SLC44A5: variants seen among roughly 807,000 people sequenced by gnomAD.
SLC44A5 encodes the protein solute carrier family 44 member 5.
A neutral mutation model predicts 101.8 loss-of-function variants in SLC44A5; 57 were observed. That is an observed-to-expected ratio of 0.56 (90% CI 0.45 to 0.70). SLC44A5 has a LOEUF of 0.70. Ranked by LOEUF, SLC44A5 falls within the 30% of genes least tolerant of loss-of-function variation. The pLI is 0.00. For missense variants in SLC44A5, 737 were observed against 853.1 expected, an observed-to-expected ratio of 0.86 and a Z score of 1.70; for synonymous variants, 281 against 290.9, an observed-to-expected ratio of 0.97 and a Z score of 0.35.
chr1:75,719,097 A>G, the SLC44A5 span, among the ~76,000 whole-genome samples: 1 of 152,200 alleles, frequency 6.6e-6, no homozygotes, highest in Non-Finnish European at 1.5e-5. Flanking sequence ...CAGAGAGCCA[A>G]TAAAAAGCCC....
chr1:75,416,017 T>C (rs1663619597), intron 2 of SLC44A5, among the ~76,000 whole-genome samples: 1 of 152,192 alleles, frequency 6.6e-6, no homozygotes, highest in Admixed American at 6.5e-5. Context: ...AACATTCCAT[T>C]TTCTGAGTAG....
At chr1:75,389,795 A>T (rs1350176199) in intron 3 of SLC44A5, among the ~76,000 whole-genome samples, 1 of 152,156 alleles carries the variant, frequency 6.6e-6, no homozygotes, top group East Asian at 1.9e-4. Context: ...CTGGCAGAAG[A>T]AAATAAATTA....
At chr1:75,655,741 C>A in the SLC44A5 span, among the ~76,000 whole-genome samples, 1 of 152,134 alleles carries the variant, frequency 6.6e-6, no homozygotes, top group Non-Finnish European at 1.5e-5. Flanking sequence ...CAGCATTGGG[C>A]AGAATCCCAA....
chr1:75,678,947 G>A, the SLC44A5 span, among the ~76,000 whole-genome samples: 26 of 152,276 alleles, frequency 1.7e-4, no homozygotes, highest in African/African-American at 2.6e-4. Context: ...ACGAAGGCTC[G>A]AGAACTACGT....
rs1473757162 is a variant in SLC44A5 at position 75,504,354 on chromosome 1, CAT to C, written c.13+37079_13+37080del. ...TAAAGGGATTCTGGGGGACCAATAA[CAT>C]ATATTTCTTAATGTTTGTGGTAGTT... On this transcript the variant is annotated intron_variant, in intron 2 of 23. Coordinates refer to ENST00000370859, the MANE Select transcript of SLC44A5 (RefSeq NM_001130058.2). Among the ~76,000 whole-genome samples the C allele has an allele frequency of 2.0e-5, 3 of 152,150 alleles. No individual in the cohort carries two copies. In the East Asian group the frequency reaches 5.8e-4, roughly 29 times the overall value.
intron 2 of SLC44A5, among the ~76,000 whole-genome samples, chr1:75,475,765 G>A (rs1464891185): frequency 6.6e-6 from 1 of 152,180 alleles, no homozygotes; most frequent in African/African-American, 2.4e-5. Flanking sequence ...TAAGAGTGAG[G>A]GCTAAAGAGA....
chr1:75,217,382 A>C (rs2100486357), intron 18 of SLC44A5, among the ~76,000 whole-genome samples: 1 of 152,166 alleles, frequency 6.6e-6, no homozygotes, highest in African/African-American at 2.4e-5. Context: ...TTCCTTTTCA[A>C]GTCTTTTTCC....
intron 2 of SLC44A5, among the ~76,000 whole-genome samples, chr1:75,510,612 T>G (rs549507706): frequency 6.6e-6 from 1 of 152,280 alleles, no homozygotes; most frequent in East Asian, 1.9e-4. Flanking sequence ...TGAACATCAC[T>G]ATGGAGCTAC....
the SLC44A5 span, among the ~76,000 whole-genome samples, chr1:75,656,098 G>C: frequency 1.3e-5 from 2 of 152,112 alleles, no homozygotes; most frequent in Admixed American, 1.3e-4. Context: ...AGAGAAAGTG[G>C]AATGACATCT....
the SLC44A5 span, among the ~76,000 whole-genome samples, chr1:75,713,216 G>C: frequency 6.6e-6 from 1 of 152,058 alleles, no homozygotes; most frequent in Non-Finnish European, 1.5e-5. Flanking sequence ...AGTGTATATT[G>C]ATATAATAAT....
chr1:75,622,992 GTCTTC>G, the SLC44A5 span, among the ~76,000 whole-genome samples: 1 of 151,660 alleles, frequency 6.6e-6, no homozygotes, highest in South Asian at 2.1e-4. Context: ...ATTTTTCCTT[GTCTTC>G]TCTTTTCTAC....
At chr1:75,544,536 C>T (rs752356204) in intron 1 of SLC44A5, among the ~76,000 whole-genome samples, 2 of 152,090 alleles carry the variant, frequency 1.3e-5, no homozygotes, top group Non-Finnish European at 2.9e-5. Context: ...CAACAAAATA[C>T]TTTTGCTGAA....
rs373828146 is a variant in SLC44A5 at position 75,552,514 on chromosome 1, T to C, written c.-69-10998A>G. Among the ~76,000 whole-genome samples, 5 of 152,124 alleles carry C rather than the reference T, an allele frequency of 3.3e-5. No homozygotes were observed. In the East Asian group the frequency reaches 7.7e-4, roughly 23 times the overall value. On this transcript the variant is annotated intron_variant, in intron 1 of 23. Coordinates refer to ENST00000370859, the MANE Select transcript of SLC44A5 (RefSeq NM_001130058.2). Reference sequence around the variant, plus strand: ...TGAAATTTGAAAACAGACTCTCATATAGGCATTCTATATGCCAACCTCAAC... The same window carrying C: ...TGAAATTTGAAAACAGACTCTCATACAGGCATTCTATATGCCAACCTCAAC...
chr1:75,582,340 G>A (rs1557932005), intron 1 of SLC44A5: 1 of 1,300,872 alleles, frequency 7.7e-7, no homozygotes, highest in Non-Finnish European at 1.1e-6. Flanking sequence ...AGGAAGTTAA[G>A]CCCAAGATCC....
upstream of SLC44A5, among the ~76,000 whole-genome samples, chr1:75,613,327 T>C (rs1675737472): frequency 1.3e-5 from 2 of 152,190 alleles, no homozygotes; most frequent in East Asian, 1.9e-4. Flanking sequence ...CCCAGTTTAG[T>C]TGGTTGTAGC....
intron 1 of SLC44A5, among the ~76,000 whole-genome samples, chr1:75,561,035 T>A (rs944868840): frequency 1.1e-4 from 16 of 152,168 alleles, no homozygotes; most frequent in African/African-American, 3.9e-4. Context: ...CATTCATGTG[T>A]CCACAGGGTA....
chr1:75,361,904 A>C (rs1659512835), intron 3 of SLC44A5, among the ~76,000 whole-genome samples: 1 of 151,962 alleles, frequency 6.6e-6, no homozygotes, highest in Non-Finnish European at 1.5e-5. Flanking sequence ...TTTTTGAAAC[A>C]GTTTGTGAAG....
chr1:75,490,745 T>A (rs1209305366), intron 2 of SLC44A5, among the ~76,000 whole-genome samples: 1 of 152,182 alleles, frequency 6.6e-6, no homozygotes. Context: ...TTTGTATGTA[T>A]GGATAGCACA....
chr1:75,340,919 T>A (rs1657827638), intron 3 of SLC44A5, among the ~76,000 whole-genome samples: 1 of 152,232 alleles, frequency 6.6e-6, no homozygotes, highest in South Asian at 2.1e-4. Flanking sequence ...TAATGGCATT[T>A]ATCTTGTGGT....
Sources: allele counts gnomAD v4.1 joint callset (sites outside exome capture counted in the v4.1 genomes callset), GRCh38; gene constraint gnomAD v4.1.1; transcripts MANE v1.5; gene names NCBI Gene and HGNC (gene_info 2026-07-23, HGNC 2026-07-21).